HHAT: variants seen among roughly 807,000 people sequenced by gnomAD.
HHAT encodes protein-cysteine N-palmitoyltransferase HHAT.
Under a neutral mutation model 70.8 loss-of-function variants are expected in HHAT, and 47 were observed. The ratio of observed to expected loss-of-function variants is 0.66; its 90% CI spans 0.53 to 0.85. HHAT has a LOEUF of 0.85. Ranked by LOEUF, HHAT falls within the 40% of genes least tolerant of loss-of-function variation. The probability of loss-of-function intolerance (pLI) is 0.00; values close to 1 mark genes in which losing one functional copy is unlikely to be tolerated. For synonymous variants in HHAT, 228 were observed against 247.6 expected (o/e 0.92, Z 0.74); for missense variants, 609 against 604.8 (o/e 1.01, Z -0.07).
chr1:210,495,900 T>G (rs1293915175), intron 8 of HHAT, among the ~76,000 whole-genome samples: 3 of 149,816 alleles, frequency 2.0e-5, no homozygotes, highest in African/African-American at 7.4e-5. Context: ...CCCAGCTACT[T>G]GGGAGTCTGA....
At chr1:210,520,705 T>C (rs2095143578) in intron 9 of HHAT, among the ~76,000 whole-genome samples, 1 of 152,240 alleles carries the variant, frequency 6.6e-6, no homozygotes, top group Non-Finnish European at 1.5e-5. Flanking sequence ...TATTGCTCTT[T>C]AGGTTACAGA....
intron 4 of HHAT, among the ~76,000 whole-genome samples, chr1:210,387,850 T>C (rs1288127947): frequency 6.6e-6 from 1 of 152,224 alleles, no homozygotes; most frequent in East Asian, 1.9e-4. Flanking sequence ...TTAAGATCAC[T>C]TCTAATCAAA....
At chr1:210,454,288 T>C (rs1035183463) in intron 7 of HHAT, among the ~76,000 whole-genome samples, 1 of 152,178 alleles carries the variant, frequency 6.6e-6, no homozygotes, top group African/African-American at 2.4e-5. Context: ...GCACGGTGAC[T>C]CACGCCTGTA....
In HHAT at chr1:210,511,293, C is replaced by T. The variant is rs145135120; in HGVS notation, c.1008-1860C>T. 5.9e-5 allele frequency among the ~76,000 whole-genome samples: 9 copies of T among 152,166 alleles called. 1 individual carries two copies. Among genetic ancestry groups the T allele is most frequent in the South Asian group, 2.1e-4 (1 of 4,820 alleles). ...AGTGGAATTTATATATCTCGAATCC[C>T]GTTTTTCCTGAATTATGTAATTATT... On this transcript the variant is annotated intron_variant, in intron 8 of 11. Coordinates refer to ENST00000261458, the MANE Select transcript of HHAT (RefSeq NM_018194.6).
At chr1:210,471,646 C>T (rs12078068) in intron 8 of HHAT, among the ~76,000 whole-genome samples, 12,381 of 152,066 alleles carry the variant, frequency 0.081, 532 homozygotes, top group South Asian at 0.12. Flanking sequence ...TAATAATAAT[C>T]GTAATAATAA....
chr1:210,405,549 G>A (rs146103552), intron 6 of HHAT, among the ~76,000 whole-genome samples: 97 of 151,282 alleles, frequency 6.4e-4, no homozygotes, highest in African/African-American at 2.0e-3. Context: ...CCACGCATAC[G>A]CACACACCTG....
chr1:210,562,770 A>G (rs1042865689), intron 9 of HHAT, among the ~76,000 whole-genome samples: 6 of 150,888 alleles, frequency 4.0e-5, no homozygotes, highest in African/African-American at 1.5e-4. Context: ...TCGTCATTTA[A>G]CATTAGGTAT....
Position 210,418,339 on chromosome 1 carries a change from T to A in HHAT, c.856+14T>A. On this transcript the variant is annotated intron_variant, in intron 7 of 11. Transcript: ENST00000261458. ...GTTGGACCTTAGGTAATTGTGGGAA[T>A]CACCAACAGTGGGATGAGCCCCAAT... 7 of 1,564,486 alleles carry A rather than the reference T, an allele frequency of 4.5e-6. No homozygotes were observed. Among genetic ancestry groups the A allele is most frequent in the Non-Finnish European group, 6.1e-6 (7 of 1,153,830 alleles).
chr1:210,487,472 A>T (rs890155504), intron 8 of HHAT, among the ~76,000 whole-genome samples: 1 of 152,176 alleles, frequency 6.6e-6, no homozygotes, highest in African/African-American at 2.4e-5. Flanking sequence ...GGAAGTTCAC[A>T]GTGGTTGCTA....
intron 11 of HHAT, among the ~76,000 whole-genome samples, chr1:210,624,201 C>T (rs886769353): frequency 1.3e-5 from 2 of 152,078 alleles, no homozygotes; most frequent in Non-Finnish European, 1.5e-5. Flanking sequence ...GATGCTCAGC[C>T]TCCTCATCAC....
chr1:210,617,850 C>T (rs1668050349), intron 10 of HHAT, among the ~76,000 whole-genome samples: 1 of 152,172 alleles, frequency 6.6e-6, no homozygotes, highest in South Asian at 2.1e-4. Context: ...GCTCTGTACA[C>T]TTGAAGGAAG....
intron 10 of HHAT, among the ~76,000 whole-genome samples, chr1:210,608,187 A>G (rs1665900954): frequency 6.6e-6 from 1 of 152,164 alleles, no homozygotes; most frequent in African/African-American, 2.4e-5. Flanking sequence ...GTGGTTCTTT[A>G]GGGCAGTTAC....
rs113371678 is a variant in HHAT at position 210,623,590 on chromosome 1, C to T, written c.1310C>T (p.Ser437Leu). The change falls in exon 11 of 12, where the codon TCG becomes TTG. Residue 437 changes from serine (S) to leucine (L), a missense_variant. Coordinates refer to ENST00000261458, the MANE Select transcript of HHAT (RefSeq NM_018194.6). ...GCTGCCCTTGCTTCTTGTTCCACCTCGATGCTGATCCTGTCCAACCTGGTA... is the reference window on the plus strand; with the variant it reads ...GCTGCCCTTGCTTCTTGTTCCACCTTGATGCTGATCCTGTCCAACCTGGTA... ...FHAALASCST[S>L]MLILSNLVFL... 25 of 1,613,926 alleles carry T rather than the reference C, an allele frequency of 1.5e-5. No homozygotes were observed. The highest frequency in any genetic ancestry group is 4.0e-5 in the African/African-American group (3 of 74,912).
rs376996127 is a variant in HHAT at position 210,348,957 on chromosome 1, A to G, written c.-19A>G. The stretch of plus-strand genomic sequence containing the variant: ...GAAACTCTCAGCGTAGGCATCGGGA[A>G]CCTTCGTGCCAAGGAGCCATGCTGC... On this transcript the variant is annotated 5_prime_UTR_variant, in exon 2 of 12. Transcript: ENST00000261458. 1.9e-6 allele frequency: 3 copies of G among 1,612,288 alleles called. No individual in the cohort carries two copies. Among genetic ancestry groups the G allele is most frequent in the African/African-American group, 1.3e-5 (1 of 74,894 alleles).
chr1:210,519,589 G>A (rs141437362), intron 9 of HHAT, among the ~76,000 whole-genome samples: 6,338 of 148,500 alleles, frequency 0.043, 173 homozygotes, highest in South Asian at 0.12. Flanking sequence ...GTGCAGTGGC[G>A]TGATCATGGC....
chr1:210,662,309 G>T (rs2148962992), intron 11 of HHAT, among the ~76,000 whole-genome samples: 1 of 152,310 alleles, frequency 6.6e-6, no homozygotes, highest in South Asian at 2.1e-4. Context: ...TGAATGCTAA[G>T]CACACAGTAG....
chr1:210,669,279 G>A (rs1246121069), intron 11 of HHAT, among the ~76,000 whole-genome samples: 1 of 152,126 alleles, frequency 6.6e-6, no homozygotes, highest in Non-Finnish European at 1.5e-5. Context: ...GCCAAGTAAA[G>A]TTATTACTTA....
chr1:210,551,661 A>G (rs1200859631), intron 9 of HHAT, among the ~76,000 whole-genome samples: 1 of 152,260 alleles, frequency 6.6e-6, no homozygotes, highest in African/African-American at 2.4e-5. Flanking sequence ...ATCTCTAGTC[A>G]TAAAACCATT....
intron 3 of HHAT, among the ~76,000 whole-genome samples, chr1:210,382,776 A>G (rs931108519): frequency 6.6e-6 from 1 of 152,178 alleles, no homozygotes; most frequent in African/African-American, 2.4e-5. Context: ...GTTACGGGGC[A>G]TAAATGAGGT....
Sources: gnomAD v4.1 joint callset for allele counts (sites outside exome capture counted in the v4.1 genomes callset) on GRCh38, gnomAD v4.1.1 for gene constraint, MANE v1.5 for transcripts, NCBI Gene and HGNC (gene_info 2026-07-23, HGNC 2026-07-21) for gene names.